PDE8A: variants seen among roughly 807,000 people sequenced by gnomAD.
PDE8A encodes high affinity cAMP-specific and IBMX-insensitive 3',5'-cyclic phosphodiesterase 8A.
In PDE8A, 59 loss-of-function variants were observed where a neutral mutation model predicts 105.0. That is an observed-to-expected ratio of 0.56 (90% confidence interval 0.46 to 0.70). The LOEUF is 0.70. Among genes scored for constraint, PDE8A ranks in the 30% least tolerant of loss-of-function variants. PDE8A has a pLI of 0.00. For missense variants in PDE8A, 1,014 were observed against 1,045.9 expected, an observed-to-expected ratio of 0.97 and a Z score of 0.42; for synonymous variants, 355 against 371.9, an observed-to-expected ratio of 0.95 and a Z score of 0.52.
chr15:85,113,019 T>TC (rs1043427135), intron 12 of PDE8A, among the ~76,000 whole-genome samples: 3 of 152,194 alleles, frequency 2.0e-5, no homozygotes, highest in African/African-American at 2.4e-5. Context: ...GGCATTGTCT[T>TC]CCGGAACATT....
intron 1 of PDE8A, among the ~76,000 whole-genome samples, chr15:85,036,184 C>T (rs978300914): frequency 4.6e-5 from 7 of 152,190 alleles, no homozygotes; most frequent in African/African-American, 1.7e-4. Context: ...ATCCAAATTC[C>T]TCTGTTTATG....
chr15:84,996,533 A>G (rs1367629471), intron 1 of PDE8A, among the ~76,000 whole-genome samples: 1 of 152,050 alleles, frequency 6.6e-6, no homozygotes, highest in Non-Finnish European at 1.5e-5. Flanking sequence ...AGTATAAAAG[A>G]TAAAAAATGG....
At chr15:85,113,228 C>T (rs1467549113) in intron 12 of PDE8A, 149 bp from the exon 13 acceptor site, 1 of 705,452 alleles carries the variant, frequency 1.4e-6, no homozygotes, top group Admixed American at 2.0e-5. Context: ...TATGCCAGAA[C>T]CCCAGGCTTG....
At chr15:85,076,692 A>T (rs375569783) in intron 4 of PDE8A, 41 bp from the exon 5 acceptor site, 1 of 1,270,200 alleles carries the variant, frequency 7.9e-7, no homozygotes, top group Non-Finnish European at 1.2e-6. Context: ...GATGTAATTG[A>T]TAAAAACTAT....
At chr15:85,072,974 A>T (rs2081333653) in intron 3 of PDE8A, among the ~76,000 whole-genome samples, 1 of 133,984 alleles carries the variant, frequency 7.5e-6, no homozygotes, top group South Asian at 2.4e-4. Flanking sequence ...TAAACCAAGC[A>T]TGGTTGGCAC....
intron 1 of PDE8A, among the ~76,000 whole-genome samples, chr15:84,982,958 T>G (rs2079743232): frequency 6.6e-6 from 1 of 152,258 alleles, no homozygotes; most frequent in South Asian, 2.1e-4. Flanking sequence ...TAGAAAATAC[T>G]GTGAAACGCG....
In PDE8A at chr15:85,056,642, C is replaced by T. The variant is rs142159093; in HGVS notation, c.187-7728C>T. Among the ~76,000 whole-genome samples the T allele has an allele frequency of 1.7e-3, 261 of 152,282 alleles. 1 individual carries two copies. Among genetic ancestry groups the T allele is most frequent in the African/African-American group, 6.0e-3 (249 of 41,570 alleles). On this transcript the variant is annotated intron_variant, in intron 1 of 21. Transcript: ENST00000394553. ...TGCATGTGTCACATAGTTCTCATGT[C>T]ATGGTTTTCAGCTCCATCAGGTCAT...
At chr15:85,050,402 G>C (rs1035193438) in intron 1 of PDE8A, among the ~76,000 whole-genome samples, 21 of 152,172 alleles carry the variant, frequency 1.4e-4, no homozygotes, top group African/African-American at 5.1e-4. Flanking sequence ...GTCTAGTGTT[G>C]TGAAGATTTT....
intron 1 of PDE8A, among the ~76,000 whole-genome samples, chr15:84,997,160 C>T (rs868844191): frequency 1.3e-4 from 19 of 151,808 alleles, no homozygotes; most frequent in Middle Eastern, 3.4e-3. Context: ...TATTTTTTTT[C>T]TTCACATACT....
Position 85,126,303 on chromosome 15 carries a change from TC to T in PDE8A, c.2184del (p.Asn729IlefsTer35), listed in dbSNP as rs1205180177. 6.2e-7 allele frequency: 1 copy of T among 1,613,258 alleles called. No homozygotes were observed. Among genetic ancestry groups the T allele is most frequent in the South Asian group, 1.1e-5 (1 of 90,954 alleles). Reference protein sequence around the residue: ...KRMLIKCADVSNPCRPLQYCI... With the variant: ...KRMLIKCADVXNPCRPLQYCI... ...AATGCTGATTAAATGTGCTGATGTG[TC>T]CAATCCCTGCCGACCCCTGCAGTAC... On this transcript the variant is annotated frameshift_variant, in exon 20 of 22. Transcript: ENST00000394553. LOFTEE classifies it high-confidence loss of function.
chr15:85,058,629 G>A (rs184362425), intron 1 of PDE8A, among the ~76,000 whole-genome samples: 5 of 152,038 alleles, frequency 3.3e-5, no homozygotes, highest in East Asian at 3.9e-4. Flanking sequence ...TTTGGTCTTC[G>A]TACTTTTTGC....
At chr15:84,987,849 C>T (rs967566299) in intron 1 of PDE8A, among the ~76,000 whole-genome samples, 5 of 151,936 alleles carry the variant, frequency 3.3e-5, no homozygotes, top group Non-Finnish European at 7.4e-5. Context: ...CCAGAGTAAC[C>T]TTAAAGGACA....
intron 1 of PDE8A, among the ~76,000 whole-genome samples, chr15:85,017,424 T>G (rs1454752806): frequency 6.6e-6 from 1 of 151,838 alleles, no homozygotes; most frequent in Non-Finnish European, 1.5e-5. Context: ...CTTTTCCAAT[T>G]TTTAGACCAC....
chr15:85,071,633 A>T (rs566778123), intron 3 of PDE8A, among the ~76,000 whole-genome samples: 96 of 152,330 alleles, frequency 6.3e-4, no homozygotes, highest in African/African-American at 2.2e-3. Flanking sequence ...GTGTTCTCCA[A>T]GCCCGAACTG....
intron 3 of PDE8A, among the ~76,000 whole-genome samples, chr15:85,072,609 G>A (rs1596490512): frequency 6.6e-6 from 1 of 152,254 alleles, no homozygotes; most frequent in African/African-American, 2.4e-5. Flanking sequence ...TGGACCATGA[G>A]GAAGAAACCT....
chr15:85,036,034 G>A (rs775830243), intron 1 of PDE8A, among the ~76,000 whole-genome samples: 1 of 152,184 alleles, frequency 6.6e-6, no homozygotes, highest in Non-Finnish European at 1.5e-5. Flanking sequence ...AACAGTCCTA[G>A]TGGGGCACAT....
chr15:85,122,318 T>C (rs2082195167), intron 18 of PDE8A, among the ~76,000 whole-genome samples: 1 of 152,234 alleles, frequency 6.6e-6, no homozygotes. Flanking sequence ...ACTTAGTGAA[T>C]ATCAGTTGAA....
chr15:84,984,288 G>A (rs1158383803), intron 1 of PDE8A, among the ~76,000 whole-genome samples: 1 of 152,020 alleles, frequency 6.6e-6, no homozygotes, highest in South Asian at 2.1e-4. Flanking sequence ...TTTGCATTTA[G>A]GCATGTCAGA....
chr15:85,045,209 T>G (rs1315054203), intron 1 of PDE8A, among the ~76,000 whole-genome samples: 1 of 152,228 alleles, frequency 6.6e-6, no homozygotes. Flanking sequence ...CTTTCCCTGT[T>G]GTTAATCAGA....
Sources: allele counts gnomAD v4.1 joint callset (sites outside exome capture counted in the v4.1 genomes callset), GRCh38; gene constraint gnomAD v4.1.1; transcripts MANE v1.5; gene names NCBI Gene and HGNC (gene_info 2026-07-23, HGNC 2026-07-21).